Variants in SS18 observed in about 807,000 individuals in gnomAD.
SS18 encodes SS18 subunit of BAF chromatin remodeling complex.
Under a neutral mutation model 72.5 loss-of-function variants are expected in SS18, and 28 were observed. The ratio of observed to expected loss-of-function variants is 0.39; its 90% CI spans 0.29 to 0.53. The LOEUF is 0.53. SS18 is among the 20% of genes least tolerant of loss of function. The probability of loss-of-function intolerance (pLI) is 0.76; values close to 1 mark genes in which losing one functional copy is unlikely to be tolerated. For synonymous variants in SS18, 172 were observed against 164.2 expected (o/e 1.05, Z -0.37); for missense variants, 518 against 535.3 (o/e 0.97, Z 0.32).
chr18:26,064,815 T>C (rs1026068316), intron 3 of SS18: 1 of 152,030 alleles, frequency 6.6e-6, no homozygotes, highest in African/African-American at 2.4e-5. Flanking sequence ...AAAGAAGACT[T>C]ACAATTGTCA....
chr18:26,068,807 T>C (rs12326584), intron 3 of SS18, among the ~76,000 whole-genome samples: 8,896 of 152,272 alleles, frequency 0.058, 767 homozygotes, highest in African/African-American at 0.19. Context: ...TCAATTTTTA[T>C]TTAACAGGTC....
chr18:26,090,727 G>C (rs2054712848), upstream of SS18: 2 of 722,154 alleles, frequency 2.8e-6, no homozygotes, highest in East Asian at 2.7e-5. Context: ...GCCTGAAGGA[G>C]GCACTCTGGC....
At position 26,035,918 on chromosome 18, in the gene SS18, T is replaced by A. The variant is rs774601160; in HGVS notation, c.886A>T (p.Asn296Tyr). ...MNQQYYPDGH[N>Y]DYGYQQPSYP... The stretch of plus-strand genomic sequence containing the variant: ...GACGGTTGCTGATAACCGTAATCAT[T>A]ATGACCTACATCAATTCGACAAGAG... The change falls in exon 8 of 11, where the codon AAT becomes TAT. Residue 296 changes from asparagine to tyrosine, a missense_variant. By Grantham distance (143) the Asn-to-Tyr change is moderately radical. Coordinates refer to ENST00000415083, the MANE Select transcript of SS18 (RefSeq NM_001007559.3). This position sits in a 1 kb window ranked among gnomAD's most constrained non-coding sequence, Gnocchi z 4.4. 1 of 1,596,248 alleles carries A rather than the reference T, an allele frequency of 6.3e-7. No homozygotes were observed. The highest frequency in any genetic ancestry group is 1.1e-5 in the South Asian group (1 of 88,606).
intron 7 of SS18, among the ~76,000 whole-genome samples, chr18:26,037,591 T>C (rs1053226172): frequency 2.6e-5 from 4 of 152,132 alleles, no homozygotes; most frequent in Non-Finnish European, 4.4e-5. Context: ...TGAGATGTTT[T>C]TTCAAATATC....
rs757299421 is a variant in SS18 at position 26,035,074 on chromosome 18, G to C, written c.1027C>G (p.Gln343Glu). Residue 343 changes from glutamine (Q) to glutamate (E), a missense_variant, in exon 9 of 11, where the codon CAG becomes GAG. Coordinates refer to ENST00000415083, the MANE Select transcript of SS18 (RefSeq NM_001007559.3). The surrounding 1 kb of genome is among the most constrained non-coding windows in gnomAD (Gnocchi z 4.4). ...TGCTGCTGCTGGGGTGGATATCCCT[G>C]TTGTGGAGGTGGTCCCTGGTATGCA... ...QDAYQGPPPQ[Q>E]GYPPQQQQYP... The C allele has an allele frequency of 6.2e-7, 1 of 1,613,580 alleles. No homozygotes were observed. The highest frequency in any genetic ancestry group is 1.1e-5 in the South Asian group (1 of 91,066).
intron 3 of SS18, among the ~76,000 whole-genome samples, chr18:26,071,813 G>C (rs1286403236): frequency 6.6e-6 from 1 of 151,812 alleles, no homozygotes; most frequent in Non-Finnish European, 1.5e-5. Flanking sequence ...GGGTGACGGA[G>C]TGAAACACTG....
chr18:26,082,447 CTT>C, intron 2 of SS18: 2 of 978,216 alleles, frequency 2.0e-6, no homozygotes, highest in Non-Finnish European at 2.4e-6. Flanking sequence ...TTAAACAACT[CTT>C]TTAAATTACG....
chr18:26,058,381 G>A (rs897521143), intron 3 of SS18, among the ~76,000 whole-genome samples: 1 of 152,126 alleles, frequency 6.6e-6, no homozygotes, highest in Non-Finnish European at 1.5e-5. Flanking sequence ...TTCACAAAAG[G>A]GCAAAAGGAA....
intron 4 of SS18, among the ~76,000 whole-genome samples, chr18:26,054,881 C>G (rs182197616): frequency 6.6e-6 from 1 of 151,932 alleles, no homozygotes; most frequent in African/African-American, 2.4e-5. Flanking sequence ...GCTGGGATTA[C>G]AAGTGTGTGC....
chr18:26,065,800 C>CATATATATATATATATATATATATATAT lies in SS18; in HGVS notation c.232-8059_232-8058insATATATATATATATATATATATATATAT, dbSNP rs58222135. Among the ~76,000 whole-genome samples, 32 of 55,596 alleles carry CATATATATATATATATATATATATATAT rather than the reference C, an allele frequency of 5.8e-4. 7 individuals carry two copies. The highest frequency in any genetic ancestry group is 9.8e-4 in the Non-Finnish European group (22 of 22,522). 36.5% of individuals were successfully genotyped at this position (55,596 alleles called of 152,430 possible). A position where few individuals can be genotyped will look rare whatever the true frequency, so the allele number is the denominator to read the frequency against. On this transcript the variant is annotated intron_variant, in intron 3 of 10. Transcript: ENST00000415083. Reference sequence around the variant, plus strand: ...AATATATAAAGAATGCCTACAAATCCATATATATATATATATATATATATG... The same window carrying CATATATATATATATATATATATATATAT: ...AATATATAAAGAATGCCTACAAATCCATATATATATATATATATATATATATATATATATATATATATATATATATATG...
intron 3 of SS18, among the ~76,000 whole-genome samples, chr18:26,074,824 T>TA (rs2054381838): frequency 6.6e-6 from 1 of 151,766 alleles, no homozygotes; most frequent in African/African-American, 2.4e-5. Flanking sequence ...TGAAAAGACT[T>TA]AAAAAACCCA....
intron 10 of SS18, among the ~76,000 whole-genome samples, chr18:26,024,689 A>C (rs947487793): frequency 6.6e-6 from 1 of 152,226 alleles, no homozygotes; most frequent in African/African-American, 2.4e-5. Context: ...TATGTGATTT[A>C]TATCTCAATA....
At chr18:26,073,482 A>G (rs189069278) in intron 3 of SS18, among the ~76,000 whole-genome samples, 68 of 152,326 alleles carry the variant, frequency 4.5e-4, no homozygotes, top group African/African-American at 1.4e-3. Flanking sequence ...GAGGTGCCCA[A>G]GGGCAAAACT....
intron 9 of SS18, 69 bp from the exon 10 acceptor site, chr18:26,032,601 A>C: frequency 6.5e-7 from 1 of 1,528,240 alleles, no homozygotes; most frequent in Non-Finnish European, 8.9e-7. Flanking sequence ...GAAGGATGTG[A>C]ACTACAGAGA....
Position 26,044,581 on chromosome 18 carries a change from C to T in SS18, c.608-5125G>A, listed in dbSNP as rs553209415. Among the ~76,000 whole-genome samples, 3 of 151,994 alleles carry T rather than the reference C, an allele frequency of 2.0e-5. No individual in the cohort carries two copies. In the South Asian group the frequency reaches 6.2e-4, roughly 32 times the overall value. The stretch of plus-strand genomic sequence containing the variant: ...TCAGGTGATCCACCCACCTCGGCAT[C>T]CCAAAGTGCTGGGATTACAAGCATG... On this transcript the variant is annotated intron_variant, in intron 5 of 10. Transcript: ENST00000415083.
chr18:26,018,344 A>G lies in SS18; in HGVS notation c.*10T>C. The G allele has an allele frequency of 6.3e-7, 1 of 1,598,992 alleles. No individual in the cohort carries two copies. The highest frequency in any genetic ancestry group is 8.6e-7 in the Non-Finnish European group (1 of 1,166,786). ...TAATAGATACTGGCTACTGGAATGTAAGTACTTTTTCACTGCTGGTAATTT... is the reference window on the plus strand; with the variant it reads ...TAATAGATACTGGCTACTGGAATGTGAGTACTTTTTCACTGCTGGTAATTT... On this transcript the variant is annotated 3_prime_UTR_variant, in exon 11 of 11. Transcript: ENST00000415083.
At chr18:26,041,707 A>C (rs1190226627) in intron 5 of SS18, among the ~76,000 whole-genome samples, 1 of 152,120 alleles carries the variant, frequency 6.6e-6, no homozygotes, top group Non-Finnish European at 1.5e-5. Flanking sequence ...AAAACCTATA[A>C]TATTAGAAAC....
intron 10 of SS18, among the ~76,000 whole-genome samples, chr18:26,019,884 T>C (rs910755430): frequency 1.9e-4 from 29 of 149,982 alleles, no homozygotes; most frequent in South Asian, 2.1e-4. Context: ...TCAATGATCA[T>C]CTTGAAGGAT....
At chr18:26,090,758 G>A (rs1381114083), upstream of SS18, 1 of 624,616 alleles carries the variant, frequency 1.6e-6, no homozygotes, top group South Asian at 1.9e-5. Flanking sequence ...TCGCTTCTGC[G>A]CACTCTGGGG....
Sources: gnomAD v4.1 joint callset for allele counts (sites outside exome capture counted in the v4.1 genomes callset) on GRCh38, gnomAD v4.1.1 for gene constraint, Gnocchi (gnomAD v3.1) non-coding constraint, MANE v1.5 for transcripts, NCBI Gene and HGNC (gene_info 2026-07-23, HGNC 2026-07-21) for gene names.